LIN9: variants seen among roughly 807,000 people sequenced by gnomAD.
LIN9 encodes the protein lin-9 DREAM MuvB core complex component.
A neutral mutation model predicts 78.0 loss-of-function variants in LIN9; 18 were observed. The observed-to-expected ratio is 0.23, with a 90% confidence interval of 0.16 to 0.34. The LOEUF is 0.34. Ranked by LOEUF, LIN9 falls within the 10% of genes least tolerant of loss-of-function variation. The pLI is 1.00. For synonymous variants in LIN9, 192 were observed against 215.2 expected, an observed-to-expected ratio of 0.89 and a Z score of 0.94; for missense variants, 451 against 644.1, an observed-to-expected ratio of 0.70 and a Z score of 3.25.
intron 7 of LIN9, among the ~76,000 whole-genome samples, chr1:226,272,744 A>G (rs564080052): frequency 6.6e-6 from 1 of 151,922 alleles, no homozygotes; most frequent in South Asian, 2.1e-4. Flanking sequence ...GTAGCAGAAC[A>G]TGTTCTATAT....
At chr1:226,302,737 G>A (rs1224168222) in intron 1 of LIN9, among the ~76,000 whole-genome samples, 1 of 152,088 alleles carries the variant, frequency 6.6e-6, no homozygotes, top group Non-Finnish European at 1.5e-5. Flanking sequence ...AGAGAGGACG[G>A]ATTAATCCTC....
At chr1:226,239,502 T>C (rs1657964638) in intron 11 of LIN9, among the ~76,000 whole-genome samples, 2 of 152,230 alleles carry the variant, frequency 1.3e-5, no homozygotes, top group South Asian at 2.1e-4. Flanking sequence ...CAATTCAGTA[T>C]AGCATAATGG....
intron 3 of LIN9, 78 bp downstream of exon 3, chr1:226,297,641 G>T: frequency 1.0e-6 from 1 of 985,772 alleles, no homozygotes; most frequent in Non-Finnish European, 1.5e-6. Flanking sequence ...TTACTGTGCT[G>T]CAAGAATTTA....
At chr1:226,273,470 C>T (rs1269449349) in intron 7 of LIN9, among the ~76,000 whole-genome samples, 1 of 151,900 alleles carries the variant, frequency 6.6e-6, no homozygotes, top group Non-Finnish European at 1.5e-5. Flanking sequence ...GTCTCAAACT[C>T]CTGGGCTCAG....
At position 226,265,878 on chromosome 1, in the gene LIN9, C is replaced by T. The variant is rs1659875542; in HGVS notation, c.937-244G>A. 6.6e-6 allele frequency among the ~76,000 whole-genome samples: 1 copy of T among 151,976 alleles called. No homozygotes were observed. The highest frequency in any genetic ancestry group is 2.4e-5 in the African/African-American group (1 of 41,356). Reference sequence around the variant, plus strand: ...ATTTTTAGCAGAGACGGCGTTTCACCATGTTGATCAGGTTGGTCTCGAACT... The same window carrying T: ...ATTTTTAGCAGAGACGGCGTTTCACTATGTTGATCAGGTTGGTCTCGAACT... On this transcript the variant is annotated intron_variant, in intron 9 of 14. Transcript: ENST00000681046. This position sits in a 1 kb window ranked among gnomAD's most constrained non-coding sequence, Gnocchi z 4.1.
chr1:226,265,465 C>T lies in LIN9; in HGVS notation c.1038+68G>A, dbSNP rs963909590. The T allele has an allele frequency of 3.9e-5, 37 of 945,334 alleles. No homozygotes were observed. Among genetic ancestry groups the T allele is most frequent in the Non-Finnish European group, 3.3e-6 (2 of 614,730 alleles). The allele number at this position is 945,334 out of a possible 1,614,324, so 58.6% of individuals were successfully genotyped here. A position where few individuals can be genotyped will look rare whatever the true frequency, so the allele number is the denominator to read the frequency against. On this transcript the variant is annotated intron_variant, in intron 10 of 14. Coordinates refer to ENST00000681046, the MANE Select transcript of LIN9 (RefSeq NM_001366245.2). This position sits in a 1 kb window ranked among gnomAD's most constrained non-coding sequence, Gnocchi z 4.1. ...ACCTACACGGCCCTAGAAAAATTTTCAACTTTAATAACATAAAAGGCATTG... is the reference window on the plus strand; with the variant it reads ...ACCTACACGGCCCTAGAAAAATTTTTAACTTTAATAACATAAAAGGCATTG...
upstream of LIN9, chr1:226,309,273 C>T (rs1663140042): frequency 2.6e-6 from 3 of 1,146,178 alleles, no homozygotes; most frequent in South Asian, 3.5e-5. Context: ...CCCGCCGCGG[C>T]TGGCTGAGGC....
At chr1:226,241,867 A>G (rs1658138115) in intron 11 of LIN9, among the ~76,000 whole-genome samples, 1 of 152,148 alleles carries the variant, frequency 6.6e-6, no homozygotes, top group Non-Finnish European at 1.5e-5. Flanking sequence ...CAAAAAAAAA[A>G]AAGAAAAGGG....
chr1:226,233,333 C>A lies in LIN9; in HGVS notation c.1425+11G>T. On this transcript the variant is annotated intron_variant, in intron 13 of 14. Coordinates refer to ENST00000681046, the MANE Select transcript of LIN9 (RefSeq NM_001366245.2). ...GTGTCAAATTAAGAAAATATTTTCT[C>A]TAAGATTTACCTTAATTTGTAACAA... The A allele has an allele frequency of 6.3e-7, 1 of 1,595,974 alleles. No individual in the cohort carries two copies. Among genetic ancestry groups the A allele is most frequent in the Non-Finnish European group, 8.5e-7 (1 of 1,170,268 alleles).
intron 1 of LIN9, among the ~76,000 whole-genome samples, chr1:226,303,857 C>G (rs1218593654): frequency 6.6e-6 from 1 of 152,212 alleles, no homozygotes; most frequent in South Asian, 2.1e-4. Flanking sequence ...CCACCCGGCT[C>G]GGCCTCCCAA....
chr1:226,260,346 C>T (rs1659485139), intron 10 of LIN9, among the ~76,000 whole-genome samples: 1 of 152,062 alleles, frequency 6.6e-6, no homozygotes, highest in South Asian at 2.1e-4. Context: ...GTTAGCATTA[C>T]CTTAATACCA....
chr1:226,287,962 G>A (rs563393184), intron 4 of LIN9, among the ~76,000 whole-genome samples, 165 bp from the exon 5 acceptor site: 3 of 151,030 alleles, frequency 2.0e-5, no homozygotes, highest in South Asian at 2.1e-4. Flanking sequence ...TAAACACTCC[G>A]ATTATTTTTG....
chr1:226,275,601 G>A (rs1161136403), intron 7 of LIN9, among the ~76,000 whole-genome samples: 1 of 150,068 alleles, frequency 6.7e-6, no homozygotes, highest in East Asian at 2.0e-4. Context: ...GCTGATGCAG[G>A]AGAATCGCTT....
intron 5 of LIN9, 105 bp from the exon 6 acceptor site, chr1:226,286,563 A>G: frequency 1.3e-6 from 1 of 788,908 alleles, no homozygotes. Context: ...CCATATATAT[A>G]TATAAACTGG....
At chr1:226,232,803 C>T (rs543572153) in intron 14 of LIN9, 197 bp from the exon 15 acceptor site, 20 of 496,896 alleles carry the variant, frequency 4.0e-5, no homozygotes, top group East Asian at 1.6e-4. Context: ...AAAGGAGCCA[C>T]GGGGGGCTGG....
At chr1:226,283,277 A>ATTT (rs1558192477) in intron 6 of LIN9, among the ~76,000 whole-genome samples, 4 of 97,490 alleles carry the variant, frequency 4.1e-5, no homozygotes, top group Admixed American at 1.0e-4. Context: ...GTAATTTTTG[A>ATTT]ATTTTTTTTT....
chr1:226,240,640 T>A (rs139431658), intron 11 of LIN9, among the ~76,000 whole-genome samples: 1 of 152,060 alleles, frequency 6.6e-6, no homozygotes, highest in Non-Finnish European at 1.5e-5. Flanking sequence ...CTGCCTGCCT[T>A]GGCCTCCCTA....
In LIN9 at chr1:226,270,250, A is replaced by G. The variant is rs1208278024; in HGVS notation, c.683-2160T>C. Among the ~76,000 whole-genome samples, 6 of 152,146 alleles carry G rather than the reference A, an allele frequency of 3.9e-5. No homozygotes were observed. In the South Asian group the frequency reaches 1.2e-3, roughly 32 times the overall value. The stretch of plus-strand genomic sequence containing the variant: ...CCTGACCACTAAATTATATGCAGAC[A>G]CAGGGGTAACTCTTTGGAAATCAAG... On this transcript the variant is annotated intron_variant, in intron 7 of 14. Transcript: ENST00000681046.
Position 226,266,217 on chromosome 1 carries a change from A to G in LIN9, c.932T>C (p.Ile311Thr). ...LHYTPPLQSPIIDNDPLLGQS... is the reference protein window; with the variant it reads ...LHYTPPLQSPTIDNDPLLGQS... ...ATATTTCTAAAATATACTTACTATA[A>G]TTGGTGACTGGAGAGGAGGAGTATA... Residue 311 changes from isoleucine (I) to threonine (T), a missense_variant, in exon 9 of 15, where the codon ATT (isoleucine) becomes ACT (threonine). Ile to Thr is a moderately conservative substitution (Grantham distance 89). Coordinates refer to ENST00000681046, the MANE Select transcript of LIN9 (RefSeq NM_001366245.2). 1 of 1,565,958 alleles carries G rather than the reference A, an allele frequency of 6.4e-7. No individual in the cohort carries two copies. The highest frequency in any genetic ancestry group is 1.2e-5 in the South Asian group (1 of 82,858).
Sources: allele counts gnomAD v4.1 joint callset (sites outside exome capture counted in the v4.1 genomes callset), GRCh38; gene constraint gnomAD v4.1.1; non-coding constraint Gnocchi (gnomAD v3.1); transcripts MANE v1.5; gene names NCBI Gene and HGNC (gene_info 2026-07-23, HGNC 2026-07-21).